KRABD2: variants seen among roughly 807,000 people sequenced by gnomAD.
KRABD2 encodes KRAB domain-containing protein 2.
the KRABD2 span, among the ~76,000 whole-genome samples, chr17:8,374,333 C>T: frequency 3.3e-5 from 5 of 152,142 alleles, no homozygotes; most frequent in African/African-American, 9.7e-5. Flanking sequence ...ACCCCCAACC[C>T]CGTGCTCTCT....
At chr17:8,367,117 C>T in the KRABD2 span, 4 of 152,186 alleles carry the variant, frequency 2.6e-5, no homozygotes, top group Non-Finnish European at 4.4e-5. Flanking sequence ...GCAGTCCCAC[C>T]AGCTTTACAT....
the KRABD2 span, chr17:8,359,583 G>C: frequency 8.8e-6 from 4 of 455,988 alleles, no homozygotes; most frequent in African/African-American, 8.0e-5. Context: ...TGACAGGCTA[G>C]AGAAGGGGGT....
At chr17:8,359,508 C>A in the KRABD2 span, 152 of 445,166 alleles carry the variant, frequency 3.4e-4, 2 homozygotes, top group South Asian at 2.3e-3. Flanking sequence ...GTTGGTACCA[C>A]CAAAGGCCAG....
chr17:8,371,119 G>A, the KRABD2 span, among the ~76,000 whole-genome samples: 2 of 152,180 alleles, frequency 1.3e-5, no homozygotes, highest in African/African-American at 2.4e-5. Flanking sequence ...GCAGTGAGCC[G>A]AGATTATACC....
At chr17:8,370,229 C>T in the KRABD2 span, 1 of 1,613,352 alleles carries the variant, frequency 6.2e-7, no homozygotes, top group Non-Finnish European at 8.5e-7. Flanking sequence ...TGGAAAATAC[C>T]TTGCTGTTGT....
the KRABD2 span, chr17:8,370,040 T>C: frequency 2.9e-5 from 46 of 1,614,024 alleles, no homozygotes; most frequent in Non-Finnish European, 3.9e-5. Context: ...CAAACAACTC[T>C]TCCTTATGTA....
chr17:8,375,701 CTTT>C, the KRABD2 span: 33 of 146,842 alleles, frequency 2.2e-4, no homozygotes, highest in Non-Finnish European at 3.8e-4. Flanking sequence ...TCTTTTCTTT[CTTT>C]TTTTTTTTTT....
At chr17:8,374,628 TAAAAAAAAA>T in the KRABD2 span, among the ~76,000 whole-genome samples, 42 of 71,434 alleles carry the variant, frequency 5.9e-4, no homozygotes, top group African/African-American at 1.7e-3. Flanking sequence ...CAATAAATAC[TAAAAAAAAA>T]AAAAAAAAAA....
the KRABD2 span, among the ~76,000 whole-genome samples, chr17:8,373,140 T>TCCACGGTCTCC: frequency 9.9e-6 from 1 of 100,642 alleles, no homozygotes; most frequent in South Asian, 4.2e-4. Context: ...TCCCTCTCCC[T>TCCACGGTCTCC]CTCTCCCTCT....
chr17:8,369,681 T>C, the KRABD2 span: 3 of 1,614,114 alleles, frequency 1.9e-6, no homozygotes, highest in Non-Finnish European at 1.7e-6. Flanking sequence ...TGTGAAAATA[T>C]CTAACAAGAC....
the KRABD2 span, among the ~76,000 whole-genome samples, chr17:8,373,132 C>CCTCTCCCT: frequency 7.9e-6 from 1 of 126,964 alleles, no homozygotes; most frequent in Non-Finnish European, 1.7e-5. Flanking sequence ...CCACGGTCTC[C>CCTCTCCCT]CTCTCCCTCT....
the KRABD2 span, among the ~76,000 whole-genome samples, chr17:8,366,182 C>T: frequency 1.3e-5 from 2 of 152,214 alleles, no homozygotes; most frequent in Non-Finnish European, 2.9e-5. Context: ...TCTCCTTCCC[C>T]GTGCCCATTT....
At chr17:8,359,021 C>T in the KRABD2 span, among the ~76,000 whole-genome samples, 3 of 152,184 alleles carry the variant, frequency 2.0e-5, no homozygotes, top group African/African-American at 7.2e-5. Flanking sequence ...ATTTGGTTCC[C>T]AGTGTCTCTA....
the KRABD2 span, among the ~76,000 whole-genome samples, chr17:8,363,830 C>CATATATATAT: frequency 6.0e-4 from 52 of 86,936 alleles, no homozygotes; most frequent in East Asian, 4.5e-3. Context: ...ATATATCATA[C>CATATATATAT]ATATATATAT....
the KRABD2 span, chr17:8,375,791 G>T: frequency 1.4e-6 from 1 of 737,628 alleles, no homozygotes; most frequent in Non-Finnish European, 1.8e-6. Context: ...AAATGTGACC[G>T]TAAATCAATC....
At chr17:8,358,878 A>G in the KRABD2 span, among the ~76,000 whole-genome samples, 1 of 152,164 alleles carries the variant, frequency 6.6e-6, no homozygotes, top group African/African-American at 2.4e-5. Context: ...TCTCTTACAT[A>G]ACCACAGTAC....
the KRABD2 span, among the ~76,000 whole-genome samples, chr17:8,363,857 A>ATT: frequency 3.9e-4 from 25 of 63,944 alleles, no homozygotes; most frequent in Non-Finnish European, 7.6e-4. Context: ...ATATATATAT[A>ATT]TATATTTATT....
chr17:8,368,974 TAC>T, the KRABD2 span: 3 of 1,238,408 alleles, frequency 2.4e-6, no homozygotes, highest in Non-Finnish European at 3.2e-6. Context: ...TAAGAATAAA[TAC>T]ACAGACCTGA....
At chr17:8,371,720 G>C in the KRABD2 span, 12 of 1,326,246 alleles carry the variant, frequency 9.0e-6, no homozygotes, top group Non-Finnish European at 1.2e-5. Context: ...AATCTTTCCA[G>C]AATAAAGCAG....
Sources: gnomAD v4.1 joint callset for allele counts (sites outside exome capture counted in the v4.1 genomes callset) on GRCh38, gnomAD v4.1.1 for gene constraint, MANE v1.5 for transcripts, NCBI Gene and HGNC (gene_info 2026-07-23, HGNC 2026-07-21) for gene names.